Variants in ANO4 observed in about 807,000 individuals in gnomAD.
ANO4 encodes the protein anoctamin 4.
In ANO4, 69 loss-of-function variants were observed where a neutral mutation model predicts 141.9. The observed-to-expected ratio is 0.49, with a 90% CI of 0.40 to 0.59. ANO4 has a LOEUF of 0.59. Ranked by LOEUF, ANO4 falls within the 20% of genes least tolerant of loss-of-function variation. The pLI is 0.00. For missense variants in ANO4, 894 were observed against 1,162.2 expected (o/e 0.77, Z 3.36); for synonymous variants, 350 against 394.3 (o/e 0.89, Z 1.33).
chr12:100,846,078 TAA>T (rs2135829399), intron 1 of ANO4, among the ~76,000 whole-genome samples: 1 of 152,350 alleles, frequency 6.6e-6, no homozygotes, highest in African/African-American at 2.4e-5. Flanking sequence ...AATGAAATTA[TAA>T]GACATTGATC....
intron 13 of ANO4, 128 bp from the exon 14 acceptor site, chr12:101,048,213 C>A: frequency 8.9e-7 from 1 of 1,126,008 alleles, no homozygotes; most frequent in Middle Eastern, 2.1e-4. Flanking sequence ...AGGAATATTC[C>A]CCCTACCCAA....
At chr12:101,061,616 T>G (rs1417130190) in intron 14 of ANO4, among the ~76,000 whole-genome samples, 1 of 151,910 alleles carries the variant, frequency 6.6e-6, no homozygotes, top group African/African-American at 2.4e-5. Context: ...GTCTTCACAC[T>G]TTATTTCATT....
chr12:100,743,558 C>T (rs919635479), intron 3 of ANO4, among the ~76,000 whole-genome samples: 1 of 151,724 alleles, frequency 6.6e-6, no homozygotes, highest in Non-Finnish European at 1.5e-5. Flanking sequence ...AGATACTGGA[C>T]TTTGGGATAT....
At chr12:100,840,586 A>G (rs942489875) in intron 1 of ANO4, among the ~76,000 whole-genome samples, 1 of 152,156 alleles carries the variant, frequency 6.6e-6, no homozygotes, top group Non-Finnish European at 1.5e-5. Flanking sequence ...TCTCCTGTTC[A>G]TATTGAATTG....
chr12:100,870,000 C>T (rs1411618220), intron 1 of ANO4, among the ~76,000 whole-genome samples: 1 of 152,096 alleles, frequency 6.6e-6, no homozygotes, highest in East Asian at 1.9e-4. Context: ...CTGTGTTTCT[C>T]AACAACATGA....
intron 7 of ANO4, among the ~76,000 whole-genome samples, chr12:100,983,020 T>A (rs1197121581): frequency 6.6e-6 from 1 of 152,208 alleles, no homozygotes. Flanking sequence ...TCTTATGCTT[T>A]CCAGCCTAGT....
chr12:100,943,700 G>A (rs2042603496), intron 5 of ANO4, among the ~76,000 whole-genome samples: 1 of 150,024 alleles, frequency 6.7e-6, no homozygotes, highest in African/African-American at 2.4e-5. Flanking sequence ...AGGTTCCCTG[G>A]TACAACAAAC....
At position 100,911,626 on chromosome 12, in the gene ANO4, TC is replaced by T. The variant is rs58123104; in HGVS notation, c.55+9789del. 3.3e-3 allele frequency among the ~76,000 whole-genome samples: 497 copies of T among 152,302 alleles called. 6 individuals are homozygous for T. The highest frequency in any genetic ancestry group is 0.012 in the African/African-American group (485 of 41,562). On this transcript the variant is annotated intron_variant, in intron 2 of 27. Coordinates refer to ENST00000392977, the MANE Select transcript of ANO4 (RefSeq NM_001286615.2). ...TGATATAATAAAATTCATTCCTATT[TC>T]CCTGAGTTTCAAAGATTTCTTTCTG... is the stretch of plus-strand genomic sequence containing the variant.
chr12:100,873,712 G>T lies in ANO4; in HGVS notation c.-140-27934G>T, dbSNP rs144484087. Among the ~76,000 whole-genome samples, 3 of 152,322 alleles carry T rather than the reference G, an allele frequency of 2.0e-5. No individual in the cohort carries two copies. In the East Asian group the frequency reaches 5.8e-4, roughly 29 times the overall value. ...GTGTAAAAATTTTGAAAATATGCCA[G>T]CCCAGCTATGTGGTAGAGAAGAAAA... On this transcript the variant is annotated intron_variant, in intron 1 of 27. Transcript: ENST00000392977.
chr12:100,755,417 T>C (rs144710692), intron 3 of ANO4, among the ~76,000 whole-genome samples: 2 of 152,294 alleles, frequency 1.3e-5, no homozygotes, highest in African/African-American at 2.4e-5. Flanking sequence ...TGAATCATAG[T>C]TGAGTGTGTA....
At chr12:100,788,390 G>C (rs781033135) in intron 3 of ANO4, among the ~76,000 whole-genome samples, 1 of 152,226 alleles carries the variant, frequency 6.6e-6, no homozygotes, top group Non-Finnish European at 1.5e-5. Flanking sequence ...AGTTATAGAG[G>C]TGAGGATCAG....
chr12:101,076,963 G>C (rs993461511), intron 14 of ANO4, among the ~76,000 whole-genome samples: 1 of 152,154 alleles, frequency 6.6e-6, no homozygotes. Context: ...CTTTAGAAAG[G>C]CCTGCTTGCA....
At chr12:100,941,866 G>A (rs748079914) in intron 4 of ANO4, among the ~76,000 whole-genome samples, 19 of 151,410 alleles carry the variant, frequency 1.3e-4, no homozygotes, top group Middle Eastern at 3.2e-3. Context: ...TACATTTTGC[G>A]CACTTAACTC....
chr12:100,804,135 T>C (rs2034855854), intron 1 of ANO4, among the ~76,000 whole-genome samples: 1 of 152,176 alleles, frequency 6.6e-6, no homozygotes, highest in African/African-American at 2.4e-5. Context: ...CAGTGTGTGT[T>C]GTTCCCCACA....
Position 100,745,502 on chromosome 12 carries a change from G to C in ANO4, c.358+5397G>C, listed in dbSNP as rs536796235. ...TACTTGTTCGCTCAGTGCAGAGCTTGGCATGTAAGAAGTATGTTTTCTATG... is the reference window on the plus strand; with the variant it reads ...TACTTGTTCGCTCAGTGCAGAGCTTCGCATGTAAGAAGTATGTTTTCTATG... On this transcript the variant is annotated intron_variant, in intron 3 of 29. Coordinates refer to the ANO4 transcript ENST00000644049. Among the ~76,000 whole-genome samples the C allele has an allele frequency of 3.3e-5, 5 of 152,238 alleles. No homozygotes were observed. The East Asian group carries it at 7.7e-4, about 23-fold the overall frequency.
intron 1 of ANO4, among the ~76,000 whole-genome samples, chr12:100,898,512 C>T (rs188206409): frequency 6.6e-6 from 1 of 152,076 alleles, no homozygotes; most frequent in African/African-American, 2.4e-5. Context: ...TGTAACATAC[C>T]CACTTTCCTC....
intron 5 of ANO4, among the ~76,000 whole-genome samples, chr12:100,951,299 G>T (rs1203584028): frequency 6.6e-6 from 1 of 152,140 alleles, no homozygotes; most frequent in African/African-American, 2.4e-5. Flanking sequence ...GCTAAAAACA[G>T]AACTACCATT....
chr12:101,124,229 CT>C (rs2051214242), intron 26 of ANO4, among the ~76,000 whole-genome samples: 1 of 152,070 alleles, frequency 6.6e-6, no homozygotes, highest in East Asian at 1.9e-4. Context: ...TAATGTTGAG[CT>C]TTTTTTCATA....
chr12:101,023,785 A>C (rs965140779), intron 9 of ANO4, among the ~76,000 whole-genome samples: 11 of 152,354 alleles, frequency 7.2e-5, no homozygotes, highest in African/African-American at 1.9e-4. Flanking sequence ...TATGCTGAAA[A>C]ACATGGAGCA....
Sources: allele counts gnomAD v4.1 joint callset (sites outside exome capture counted in the v4.1 genomes callset), GRCh38; gene constraint gnomAD v4.1.1; transcripts MANE v1.5; gene names NCBI Gene and HGNC (gene_info 2026-07-23, HGNC 2026-07-21).